DTD1: variants seen among roughly 807,000 people sequenced by gnomAD.
DTD1 encodes D-tyrosyl-tRNA deacylase 1 homolog.
Under a neutral mutation model 25.6 loss-of-function variants are expected in DTD1, and 13 were observed. That is an observed-to-expected ratio of 0.51 (90% CI 0.33 to 0.81). The LOEUF (loss-of-function observed/expected upper bound fraction) is 0.81. Ranked by LOEUF, DTD1 falls within the 30% of genes least tolerant of loss-of-function variation. The pLI is 0.02. For synonymous variants in DTD1, 110 were observed against 103.6 expected (o/e 1.06, Z -0.37); for missense variants, 193 against 266.4 (o/e 0.72, Z 1.92).
At chr20:18,741,574 C>T (rs192408111) in intron 4 of DTD1, among the ~76,000 whole-genome samples, 52 of 152,140 alleles carry the variant, frequency 3.4e-4, no homozygotes, top group Admixed American at 1.8e-3. Flanking sequence ...TTGAAGTTGG[C>T]GTGTATTCTT....
chr20:18,720,030 C>T (rs1206257731), intron 4 of DTD1, among the ~76,000 whole-genome samples: 2 of 152,168 alleles, frequency 1.3e-5, no homozygotes, highest in Non-Finnish European at 2.9e-5. Context: ...GCTTGGATAT[C>T]AGCCTCACTG....
At position 18,596,096 on chromosome 20, in the gene DTD1, G is replaced by A. The variant is rs1342350880; in HGVS notation, c.225G>A (p.Leu75=). ...TGATGGACAAACAGTACGAGATTCT[G>A]TGTGTCAGCCAGTTTACCCTCCAGT... ...KSVMDKQYEI[L]CVSQFTLQCV... The change falls in exon 3 of 6, where the codon CTG becomes CTA. Residue 75 remains leucine, a synonymous_variant. Coordinates refer to ENST00000377452, the MANE Select transcript of DTD1 (RefSeq NM_080820.6). 10 of 1,614,190 alleles carry A rather than the reference G, an allele frequency of 6.2e-6. No individual in the cohort carries two copies. In the East Asian group the frequency reaches 1.6e-4, roughly 25 times the overall value.
At chr20:18,691,703 C>T (rs1310521201) in intron 4 of DTD1, among the ~76,000 whole-genome samples, 1 of 152,174 alleles carries the variant, frequency 6.6e-6, no homozygotes. Flanking sequence ...GTACCATAAA[C>T]CTCAGCATCA....
Position 18,738,662 on chromosome 20 carries a change from G to T in DTD1, c.478-5438G>T, listed in dbSNP as rs545009675. ...CAAAGACCCTCTGCAGTCCCCTCAGGTCTTGTTGGCTATGGTTTGTGTCAC... is the reference window on the plus strand; with the variant it reads ...CAAAGACCCTCTGCAGTCCCCTCAGTTCTTGTTGGCTATGGTTTGTGTCAC... On this transcript the variant is annotated intron_variant, in intron 4 of 5. Coordinates refer to ENST00000377452, the MANE Select transcript of DTD1 (RefSeq NM_080820.6). 5.3e-5 allele frequency among the ~76,000 whole-genome samples: 8 copies of T among 152,304 alleles called. No homozygotes were observed. The East Asian group carries it at 1.4e-3, about 26-fold the overall frequency.
At chr20:18,595,570 G>A (rs545495033) in intron 2 of DTD1, among the ~76,000 whole-genome samples, 1 of 152,212 alleles carries the variant, frequency 6.6e-6, no homozygotes, top group South Asian at 2.1e-4. Flanking sequence ...GTTCTCAGCC[G>A]AATTGTTCAT....
intron 4 of DTD1, among the ~76,000 whole-genome samples, chr20:18,629,698 A>C (rs918885526): frequency 2.6e-5 from 4 of 152,016 alleles, no homozygotes; most frequent in African/African-American, 9.7e-5. Flanking sequence ...AGACAGGGTA[A>C]TTTATTAAAA....
intron 4 of DTD1, among the ~76,000 whole-genome samples, chr20:18,681,969 G>A (rs1297882528): frequency 6.6e-6 from 1 of 152,176 alleles, no homozygotes; most frequent in African/African-American, 2.4e-5. Flanking sequence ...ATATGGATAA[G>A]GGAGATGAGT....
intron 4 of DTD1, among the ~76,000 whole-genome samples, chr20:18,691,003 C>T (rs1003477057): frequency 5.3e-5 from 8 of 152,120 alleles, no homozygotes; most frequent in East Asian, 1.9e-4. Context: ...GGCCAACAAA[C>T]GTGGAAAAAT....
intron 3 of DTD1, among the ~76,000 whole-genome samples, chr20:18,617,439 G>A (rs1471214330): frequency 6.6e-6 from 1 of 151,210 alleles, no homozygotes; most frequent in African/African-American, 2.4e-5. Flanking sequence ...TTTACTTCTG[G>A]ACTCACAGTT....
In DTD1 at chr20:18,646,709, A is replaced by C. The variant is rs1478571489; in HGVS notation, c.477+18476A>C. On this transcript the variant is annotated intron_variant, in intron 4 of 5. Coordinates refer to ENST00000377452, the MANE Select transcript of DTD1 (RefSeq NM_080820.6). ...CTGTGGTGTTGACAGTTGGCCATTC[A>C]TAGGTGTGCCTTCCTCATGTGCCCT... Among the ~76,000 whole-genome samples the C allele has an allele frequency of 2.0e-5, 3 of 152,146 alleles. No individual in the cohort carries two copies. The East Asian group carries it at 5.8e-4, about 29-fold the overall frequency.
intron 3 of DTD1, among the ~76,000 whole-genome samples, chr20:18,609,389 C>T (rs2060677515): frequency 6.6e-6 from 1 of 151,912 alleles, no homozygotes; most frequent in Non-Finnish European, 1.5e-5. Flanking sequence ...TGGGCTCAAG[C>T]AATCTACCTG....
chr20:18,616,120 A>G (rs930538556), intron 3 of DTD1, among the ~76,000 whole-genome samples: 1 of 152,214 alleles, frequency 6.6e-6, no homozygotes, highest in Non-Finnish European at 1.5e-5. Context: ...TTCATTGTTA[A>G]TGAATGGCAG....
intron 4 of DTD1, among the ~76,000 whole-genome samples, chr20:18,697,520 T>A (rs1234308295): frequency 6.6e-6 from 1 of 152,234 alleles, no homozygotes; most frequent in African/African-American, 2.4e-5. Context: ...TGCATTATAC[T>A]TATTGGTTGA....
chr20:18,678,805 C>T (rs1259146337), intron 4 of DTD1: 1 of 152,252 alleles, frequency 6.6e-6, no homozygotes, highest in Non-Finnish European at 1.5e-5. Context: ...TTCTCCCCTC[C>T]CCTGCTCACC....
At chr20:18,730,767 C>T (rs1235741769) in intron 4 of DTD1, among the ~76,000 whole-genome samples, 1 of 152,126 alleles carries the variant, frequency 6.6e-6, no homozygotes, top group Non-Finnish European at 1.5e-5. Flanking sequence ...TCTCAAGAGG[C>T]TGGAACTCTT....
chr20:18,608,294 C>T (rs1473920162), intron 3 of DTD1, among the ~76,000 whole-genome samples: 2 of 150,220 alleles, frequency 1.3e-5, no homozygotes, highest in Non-Finnish European at 3.0e-5. Context: ...AGCTTATTGA[C>T]TTTATTGTTT....
At chr20:18,588,788 C>T (rs2060576737) in intron 1 of DTD1, 1 of 985,258 alleles carries the variant, frequency 1.0e-6, no homozygotes, top group Non-Finnish European at 1.2e-6. Context: ...ACCAAGCTAC[C>T]CGACCCCTGG....
chr20:18,596,184 T>G lies in DTD1; in HGVS notation c.313T>G (p.Phe105Val), dbSNP rs759634650. 39 of 1,614,046 alleles carry G rather than the reference T, an allele frequency of 2.4e-5. No homozygotes were observed. The highest frequency in any genetic ancestry group is 3.2e-5 in the Non-Finnish European group (38 of 1,180,030). The change falls in exon 3 of 6, where the codon TTC (phenylalanine) becomes GTC (valine). Residue 105 changes from phenylalanine to valine, a missense_variant. Physicochemically the swap from Phe to Val is conservative, Grantham distance 50. Coordinates refer to ENST00000377452, the MANE Select transcript of DTD1 (RefSeq NM_080820.6). The stretch of plus-strand genomic sequence containing the variant: ...AATGCCCACGGAGCAGGCAGAGGGC[T>G]TCTACAACAGCTTCCTGGAGCAGCT... ...LAMPTEQAEG[F>V]YNSFLEQLRK...
chr20:18,729,127 T>C (rs1209671222), intron 4 of DTD1, among the ~76,000 whole-genome samples: 1 of 152,148 alleles, frequency 6.6e-6, no homozygotes. Flanking sequence ...CCTCAGCCCC[T>C]CAAGGGGCTG....
Sources: gnomAD v4.1 joint callset for allele counts (sites outside exome capture counted in the v4.1 genomes callset) on GRCh38, gnomAD v4.1.1 for gene constraint, MANE v1.5 for transcripts, NCBI Gene and HGNC (gene_info 2026-07-23, HGNC 2026-07-21) for gene names.